Variants in ELFN2 observed in about 807,000 individuals in gnomAD.
ELFN2 encodes the protein protein phosphatase 1 regulatory subunit 29.
A neutral mutation model predicts 45.5 loss-of-function variants in ELFN2; 17 were observed. The observed-to-expected ratio is 0.37, with a 90% CI of 0.26 to 0.56. The LOEUF (loss-of-function observed/expected upper bound fraction) is 0.56. Among genes scored for constraint, ELFN2 ranks in the 20% least tolerant of loss-of-function variants. ELFN2 has a pLI of 0.77. For missense variants in ELFN2, 922 were observed against 1,183.2 expected (o/e 0.78, Z 3.24); for synonymous variants, 550 against 551.5 (o/e 1.00, Z 0.04).
chr22:37,386,851 G>T (rs1043845777), intron 2 of ELFN2, among the ~76,000 whole-genome samples: 1 of 152,120 alleles, frequency 6.6e-6, no homozygotes, highest in Non-Finnish European at 1.5e-5. Context: ...CATTCAGCTC[G>T]AATCCAGGCT....
downstream of ELFN2, among the ~76,000 whole-genome samples, chr22:37,365,463 G>A (rs1931182443): frequency 6.6e-6 from 1 of 152,200 alleles, no homozygotes; most frequent in South Asian, 2.1e-4. Flanking sequence ...CCTGCTGCGG[G>A]GAAGAACATC....
At chr22:37,394,563 G>A (rs1261233294) in intron 2 of ELFN2, among the ~76,000 whole-genome samples, 1 of 152,160 alleles carries the variant, frequency 6.6e-6, no homozygotes, top group African/African-American at 2.4e-5. Context: ...TCAGGGGGCC[G>A]CAGTGGCCAG....
chr22:37,361,950 C>T (rs148766640), intron 1 of ELFN2, among the ~76,000 whole-genome samples: 6 of 152,312 alleles, frequency 3.9e-5, no homozygotes, highest in African/African-American at 1.4e-4. Flanking sequence ...TAGAGACTGC[C>T]ACCCCACGCA....
chr22:37,396,810 T>C (rs1472464649), intron 2 of ELFN2, among the ~76,000 whole-genome samples: 1 of 152,158 alleles, frequency 6.6e-6, no homozygotes, highest in Non-Finnish European at 1.5e-5. Flanking sequence ...CCTGCCTGCT[T>C]GCTCAGGCCC....
chr22:37,380,517 G>T (rs1234449340), intron 2 of ELFN2, among the ~76,000 whole-genome samples: 1 of 152,192 alleles, frequency 6.6e-6, no homozygotes, highest in Non-Finnish European at 1.5e-5. Context: ...GAGCAGGTGG[G>T]GGGAAGCGCA....
chr22:37,382,749 A>G (rs1931825102), intron 2 of ELFN2, among the ~76,000 whole-genome samples: 1 of 151,990 alleles, frequency 6.6e-6, no homozygotes, highest in Admixed American at 6.5e-5. Flanking sequence ...ATGGGGTTTC[A>G]CCACGTTGCC....
In ELFN2 at chr22:37,374,635, C is replaced by T; in HGVS notation, c.900G>A (p.Lys300=). The change falls in exon 3 of 3, where the codon AAG becomes AAA. Residue 300 remains lysine (K), a synonymous_variant. Transcript: ENST00000402918. The stretch of plus-strand genomic sequence containing the variant: ...CCGAGGTGAACGTGACGTGGTGCAG[C>T]TTGATGGCTGGCCCTGCCGACGCAT... ...TTDASAGPAI[K]LHHVTFTSAT... The T allele has an allele frequency of 6.2e-7, 1 of 1,614,040 alleles. No individual in the cohort carries two copies. The highest frequency in any genetic ancestry group is 1.1e-5 in the South Asian group (1 of 91,088).
At chr22:37,386,956 G>A (rs897714878) in intron 2 of ELFN2, among the ~76,000 whole-genome samples, 2 of 152,236 alleles carry the variant, frequency 1.3e-5, no homozygotes, top group East Asian at 1.9e-4. Context: ...CAGCTCAGAG[G>A]GCCGTGGAGG....
At chr22:37,413,312 C>G (rs529146183) in intron 2 of ELFN2, among the ~76,000 whole-genome samples, 7 of 151,946 alleles carry the variant, frequency 4.6e-5, no homozygotes, top group Admixed American at 4.6e-4. Flanking sequence ...AATCCCTCTA[C>G]AGCTGGCAGT....
chr22:37,400,438 G>T (rs1268207040), intron 2 of ELFN2, among the ~76,000 whole-genome samples: 2 of 152,218 alleles, frequency 1.3e-5, no homozygotes, highest in Non-Finnish European at 1.5e-5. Flanking sequence ...CAGGGCTGGG[G>T]CAAAGGCATT....
chr22:37,423,752 C>T (rs1932827805), intron 1 of ELFN2, among the ~76,000 whole-genome samples: 1 of 152,132 alleles, frequency 6.6e-6, no homozygotes, highest in Non-Finnish European at 1.5e-5. Context: ...CTCTGGCACC[C>T]CAGGCATAAG....
At chr22:37,367,332 C>A (rs866447690), downstream of ELFN2, among the ~76,000 whole-genome samples, 1 of 152,240 alleles carries the variant, frequency 6.6e-6, no homozygotes, top group African/African-American at 2.4e-5. Context: ...TGAGAAGCAG[C>A]AGAAGCCCCG....
intron 2 of ELFN2, among the ~76,000 whole-genome samples, chr22:37,416,194 T>G (rs1006244790): frequency 6.6e-6 from 1 of 152,166 alleles, no homozygotes; most frequent in Admixed American, 6.5e-5. Context: ...TTCCTGTTTT[T>G]AGTAATTGAA....
intron 2 of ELFN2, among the ~76,000 whole-genome samples, chr22:37,377,501 C>A (rs1015955703): frequency 6.6e-6 from 1 of 152,252 alleles, no homozygotes; most frequent in Non-Finnish European, 1.5e-5. Flanking sequence ...AAAATTTAAA[C>A]CTTTGCCATT....
intron 1 of ELFN2, among the ~76,000 whole-genome samples, chr22:37,343,574 A>G (rs1350809962): frequency 2.0e-5 from 3 of 151,876 alleles, no homozygotes; most frequent in Non-Finnish European, 4.4e-5. Context: ...CTGTGAGCCG[A>G]GCCTGTCTTG....
chr22:37,415,561 G>A (rs1456398738), intron 2 of ELFN2, among the ~76,000 whole-genome samples: 4 of 152,306 alleles, frequency 2.6e-5, no homozygotes, highest in East Asian at 1.9e-4. Context: ...ACTCAGGACC[G>A]TACTCCCACC....
intron 2 of ELFN2, among the ~76,000 whole-genome samples, chr22:37,385,782 T>C (rs1344611031): frequency 6.6e-6 from 1 of 152,114 alleles, no homozygotes; most frequent in Non-Finnish European, 1.5e-5. Context: ...TCCCCTATCC[T>C]CCTGACCCAT....
chr22:37,375,292 G>T lies in ELFN2; in HGVS notation c.243C>A (p.Leu81=). The part of the protein sequence containing the change: ...LYSSLNRFGN[L]TDLNLTKNEI... The stretch of plus-strand genomic sequence containing the variant: ...CGTTCTTGGTGAGGTTGAGGTCGGT[G>T]AGGTTCCCAAAGCGGTTGAGCGAGG... The change falls in exon 3 of 3, where the codon CTC becomes CTA. Residue 81 remains leucine, a synonymous_variant. Coordinates refer to ENST00000402918, the MANE Select transcript of ELFN2 (RefSeq NM_052906.5). 1 of 1,614,174 alleles carries T rather than the reference G, an allele frequency of 6.2e-7. No individual in the cohort carries two copies. The highest frequency in any genetic ancestry group is 8.5e-7 in the Non-Finnish European group (1 of 1,180,032).
chr22:37,373,790 G>A lies in ELFN2; in HGVS notation c.1745C>T (p.Pro582Leu). ...PELAFECQSL[P>L]AAAAASSATG... ...GGCTGAGGAGGCGGCAGCAGCTGCA[G>A]GGAGGGACTGGCACTCGAAGGCCAG... Residue 582 changes from proline to leucine, a missense_variant, in exon 3 of 3, where the codon CCT (proline) becomes CTT (leucine). Physicochemically the swap from Pro to Leu is moderately conservative, Grantham distance 98. Coordinates refer to ENST00000402918, the MANE Select transcript of ELFN2 (RefSeq NM_052906.5). 2 of 1,609,344 alleles carry A rather than the reference G, an allele frequency of 1.2e-6. No homozygotes were observed. Among genetic ancestry groups the A allele is most frequent in the Non-Finnish European group, 1.7e-6 (2 of 1,178,556 alleles).
Sources: gnomAD v4.1 joint callset for allele counts (sites outside exome capture counted in the v4.1 genomes callset) on GRCh38, gnomAD v4.1.1 for gene constraint, MANE v1.5 for transcripts, NCBI Gene and HGNC (gene_info 2026-07-23, HGNC 2026-07-21) for gene names.